Variants in ABCC12 observed in about 807,000 individuals in gnomAD.
ABCC12 encodes ATP binding cassette subfamily C member 12, also known as ATP-binding cassette sub-family C member 12.
Under a neutral mutation model 151.1 loss-of-function variants are expected in ABCC12, and 142 were observed. The observed-to-expected ratio is 0.94, with a 90% confidence interval of 0.82 to 1.08. ABCC12 has a LOEUF of 1.08. ABCC12 is among the 50% of genes least tolerant of loss of function. ABCC12 has a pLI of 0.00. For missense variants in ABCC12, 1,638 were observed against 1,691.1 expected, an observed-to-expected ratio of 0.97 and a Z score of 0.55; for synonymous variants, 645 against 646.4, an observed-to-expected ratio of 1.00 and a Z score of 0.03.
At chr16:48,147,968 G>A (rs995405313) in intron 2 of ABCC12, among the ~76,000 whole-genome samples, 18 of 152,202 alleles carry the variant, frequency 1.2e-4, no homozygotes, top group African/African-American at 4.3e-4. Flanking sequence ...TTGTTGTGGA[G>A]ACGGAGTCTC....
At chr16:48,118,696 C>G (rs1567451960) in intron 13 of ABCC12, among the ~76,000 whole-genome samples, 1 of 152,214 alleles carries the variant, frequency 6.6e-6, no homozygotes, top group East Asian at 1.9e-4. Context: ...TCCGGTTGCA[C>G]ACAGGCCCCA....
At chr16:48,130,153 T>TCTTCC (rs1377239167) in intron 10 of ABCC12, among the ~76,000 whole-genome samples, 2 of 152,222 alleles carry the variant, frequency 1.3e-5, no homozygotes, top group African/African-American at 4.8e-5. Flanking sequence ...CAAATGCCCT[T>TCTTCC]CTTCCCTTTC....
chr16:48,124,055 A>G (rs776122459), intron 12 of ABCC12, among the ~76,000 whole-genome samples, 158 bp downstream of exon 12: 2 of 152,252 alleles, frequency 1.3e-5, no homozygotes, highest in Admixed American at 6.5e-5. Context: ...AGGGGCCTGG[A>G]GCTGCTGCGT....
chr16:48,149,574 G>A (rs1385440712), intron 2 of ABCC12, among the ~76,000 whole-genome samples: 2 of 152,048 alleles, frequency 1.3e-5, no homozygotes, highest in East Asian at 3.8e-4. Context: ...CTTATGATAG[G>A]GAATAATTTC....
chr16:48,133,720 GT>G lies in ABCC12; in HGVS notation c.1094del (p.His365ProfsTer4). ...TIAIVLTLSC[H>X]ILLRRKLTAP... is the part of the protein sequence containing the mutation. ...CGGTGAGTTTGCGTCTCAGGAGGATGTGGCAGGATAATGTCAGCACGATGGC... is the reference window on the plus strand; with the variant it reads ...CGGTGAGTTTGCGTCTCAGGAGGATGGGCAGGATAATGTCAGCACGATGGC... On this transcript the variant is annotated frameshift_variant, in exon 9 of 31. Transcript: ENST00000311303. LOFTEE classifies it high-confidence loss of function. 1 of 1,614,158 alleles carries G rather than the reference GT, an allele frequency of 6.2e-7. No individual in the cohort carries two copies. Among genetic ancestry groups the G allele is most frequent in the Non-Finnish European group, 8.5e-7 (1 of 1,180,024 alleles).
chr16:48,081,356 C>T lies in ABCC12; in HGVS notation c.*2359G>A, dbSNP rs72802141. On this transcript the variant is annotated 3_prime_UTR_variant, in exon 31 of 31. Coordinates refer to ENST00000311303, the MANE Select transcript of ABCC12 (RefSeq NM_001393797.1). ...GGAGAGGGGTTTGCTAAGATGGTTTCGTGTCTTATACATGCAAACAGCCAA... is the reference window on the plus strand; with the variant it reads ...GGAGAGGGGTTTGCTAAGATGGTTTTGTGTCTTATACATGCAAACAGCCAA... Among the ~76,000 whole-genome samples, 120 of 152,210 alleles carry T rather than the reference C, an allele frequency of 7.9e-4. No individual in the cohort carries two copies. The highest frequency in any genetic ancestry group is 2.7e-3 in the African/African-American group (111 of 41,530).
At chr16:48,139,660 C>T (rs1270320604) in intron 6 of ABCC12, among the ~76,000 whole-genome samples, 3 of 152,204 alleles carry the variant, frequency 2.0e-5, no homozygotes, top group South Asian at 2.1e-4. Context: ...AAGACAACTC[C>T]GCTTCTTTCG....
Position 48,085,646 on chromosome 16 carries a change from C to T in ABCC12, c.3775G>A (p.Val1259Ile). 1 of 1,614,184 alleles carries T rather than the reference C, an allele frequency of 6.2e-7. No individual in the cohort carries two copies. The highest frequency in any genetic ancestry group is 8.5e-7 in the Non-Finnish European group (1 of 1,180,034). The change falls in exon 29 of 31, where the codon GTA (valine) becomes ATA (isoleucine). Residue 1259 changes from valine to isoleucine, a missense_variant. By Grantham distance (29) the Val-to-Ile change is conservative (BLOSUM62 3). Coordinates refer to ENST00000311303, the MANE Select transcript of ABCC12 (RefSeq NM_001393797.1). ...EVTENGENFS[V>I]GERQLLCVAR... ...ACACAAAGCAGCTGACGTTCCCCTA[C>T]TGAGAAGTTTTCTCCATTTTCTGTG... is the stretch of plus-strand genomic sequence containing the variant.
intron 2 of ABCC12, chr16:48,146,742 T>C (rs1261391157): frequency 3.9e-6 from 1 of 255,190 alleles, no homozygotes; most frequent in Non-Finnish European, 7.5e-6. Flanking sequence ...GGTGTGGTTT[T>C]GGTTGGGAGC....
At chr16:48,131,063 G>A (rs1267063381) in intron 9 of ABCC12, among the ~76,000 whole-genome samples, 168 bp from the exon 10 acceptor site, 1 of 152,238 alleles carries the variant, frequency 6.6e-6, no homozygotes, top group Non-Finnish European at 1.5e-5. Context: ...CGGTTGGCCA[G>A]CTGGGGACAG....
Position 48,117,242 on chromosome 16 carries a change from C to T in ABCC12, c.1785+19G>A, listed in dbSNP as rs780822139. On this transcript the variant is annotated intron_variant, in intron 14 of 30. Coordinates refer to ENST00000311303, the MANE Select transcript of ABCC12 (RefSeq NM_001393797.1). ...ACTGTGTGCAGCTACAGTGGGCTTG[C>T]GCTCCCAGCCCCGCTCACCTCAGTC... The T allele has an allele frequency of 1.7e-5, 28 of 1,608,840 alleles. No individual in the cohort carries two copies. Among genetic ancestry groups the T allele is most frequent in the Middle Eastern group, 1.6e-4 (1 of 6,066 alleles).
At chr16:48,097,281 C>G (rs1963133826) in intron 23 of ABCC12, among the ~76,000 whole-genome samples, 1 of 151,494 alleles carries the variant, frequency 6.6e-6, no homozygotes, top group African/African-American at 2.4e-5. Context: ...CAGTCACCCT[C>G]AAAGGCTTTG....
In ABCC12 at chr16:48,105,273, C is replaced by G; in HGVS notation, c.2539G>C (p.Gly847Arg). The G allele has an allele frequency of 6.2e-7, 1 of 1,613,960 alleles. No homozygotes were observed. The highest frequency in any genetic ancestry group is 8.5e-7 in the Non-Finnish European group (1 of 1,180,026). Residue 847 changes from glycine to arginine, a missense_variant, in exon 21 of 31, where the codon GGT becomes CGT. Gly to Arg is a moderately radical substitution (Grantham distance 125). Transcript: ENST00000311303. Reference sequence around the variant, plus strand: ...TACACCCACTGGTACACATGCTGACCGATGTCTGCCAGCACCGCGCCGACC... The same window carrying G: ...TACACCCACTGGTACACATGCTGACGGATGTCTGCCAGCACCGCGCCGACC... Reference protein sequence around the residue: ...CEVGAVLADIGQHVYQWVYTA... With the variant: ...CEVGAVLADIRQHVYQWVYTA...
chr16:48,125,370 C>G lies in ABCC12; in HGVS notation c.1516-1086G>C, dbSNP rs75520300. Among the ~76,000 whole-genome samples, 4 of 152,248 alleles carry G rather than the reference C, an allele frequency of 2.6e-5. No individual in the cohort carries two copies. In the East Asian group the frequency reaches 7.8e-4, roughly 30 times the overall value. ...CAGCAGTCATTGTTTGAGGGCTGCTCTCTAGTCTGTGAAGGTCTTTATGGA... is the reference window on the plus strand; with the variant it reads ...CAGCAGTCATTGTTTGAGGGCTGCTGTCTAGTCTGTGAAGGTCTTTATGGA... On this transcript the variant is annotated intron_variant, in intron 11 of 30. Transcript: ENST00000311303.
intron 4 of ABCC12, 93 bp from the exon 5 acceptor site, chr16:48,141,446 G>C: frequency 2.0e-6 from 3 of 1,510,872 alleles, no homozygotes; most frequent in Non-Finnish European, 2.7e-6. Flanking sequence ...AGGGTGCTCG[G>C]CAGAGCCCCC....
At chr16:48,092,666 T>C (rs1204159048) in intron 24 of ABCC12, among the ~76,000 whole-genome samples, 1 of 152,144 alleles carries the variant, frequency 6.6e-6, no homozygotes, top group Non-Finnish European at 1.5e-5. Flanking sequence ...ACAAGATCCC[T>C]GCACTCAAGC....
chr16:48,096,336 G>T (rs968571170), intron 24 of ABCC12, among the ~76,000 whole-genome samples: 2 of 152,196 alleles, frequency 1.3e-5, no homozygotes, highest in Non-Finnish European at 2.9e-5. Context: ...CCACTAATTA[G>T]TTTTGGGATG....
chr16:48,120,551 G>GTT (rs1964030614), intron 13 of ABCC12, among the ~76,000 whole-genome samples: 3 of 148,154 alleles, frequency 2.0e-5, no homozygotes, highest in African/African-American at 2.6e-5. Context: ...GTATTAATGA[G>GTT]TTTTTTGTTT....
chr16:48,118,196 T>C (rs373195017), intron 13 of ABCC12, among the ~76,000 whole-genome samples: 66 of 152,280 alleles, frequency 4.3e-4, no homozygotes, highest in African/African-American at 1.6e-3. Flanking sequence ...GGGAGGCCTT[T>C]GGGGCCTTCT....
Sources: allele counts gnomAD v4.1 joint callset (sites outside exome capture counted in the v4.1 genomes callset), GRCh38; gene constraint gnomAD v4.1.1; transcripts MANE v1.5; gene names NCBI Gene and HGNC (gene_info 2026-07-23, HGNC 2026-07-21).